The following ARHGAP24 variants were observed in gnomAD, a reference collection of about 807,000 sequenced individuals.
ARHGAP24 encodes the protein Rho GTPase activating protein 24.
A neutral mutation model predicts 76.4 loss-of-function variants in ARHGAP24; 50 were observed. The observed-to-expected ratio is 0.65, with a 90% CI of 0.52 to 0.83. The LOEUF (loss-of-function observed/expected upper bound fraction) is 0.83, where lower values mean the gene tolerates loss of function less well. Among genes scored for constraint, ARHGAP24 ranks in the 40% least tolerant of loss-of-function variants. The pLI is 0.00. For missense variants in ARHGAP24, 930 were observed against 914.2 expected (o/e 1.02, Z -0.22); for synonymous variants, 345 against 323.3 (o/e 1.07, Z -0.72).
intron 3 of ARHGAP24, among the ~76,000 whole-genome samples, chr4:85,884,721 G>T (rs543766812): frequency 6.6e-6 from 1 of 152,306 alleles, no homozygotes; most frequent in South Asian, 2.1e-4. Context: ...AGAAAATATG[G>T]AAGGTAAATT....
chr4:85,943,757 G>C (rs1232734245), intron 5 of ARHGAP24, among the ~76,000 whole-genome samples: 1 of 151,698 alleles, frequency 6.6e-6, no homozygotes, highest in Non-Finnish European at 1.5e-5. Flanking sequence ...ATGGTTTCCA[G>C]CTTCATCCAT....
intron 3 of ARHGAP24, among the ~76,000 whole-genome samples, chr4:85,799,444 A>G (rs369521879): frequency 2.0e-5 from 3 of 152,238 alleles, no homozygotes; most frequent in Non-Finnish European, 4.4e-5. Context: ...TAACCCAAGG[A>G]CTATGATAAA....
intron 2 of ARHGAP24, among the ~76,000 whole-genome samples, chr4:85,620,087 A>T (rs186746990): frequency 6.6e-6 from 1 of 151,874 alleles, no homozygotes; most frequent in African/African-American, 2.4e-5. Flanking sequence ...GAATTTTTGC[A>T]TCTATGTTCA....
chr4:85,958,572 A>C (rs1302790900), intron 5 of ARHGAP24, among the ~76,000 whole-genome samples: 1 of 152,186 alleles, frequency 6.6e-6, no homozygotes, highest in East Asian at 1.9e-4. Context: ...AAGATTTTAT[A>C]TTATGAAAGT....
chr4:85,623,243 G>A (rs1457658339), intron 2 of ARHGAP24, among the ~76,000 whole-genome samples: 12 of 152,140 alleles, frequency 7.9e-5, no homozygotes, highest in Non-Finnish European at 1.5e-4. Flanking sequence ...TAACATGTAA[G>A]TCTTTAATCC....
At chr4:85,975,826 A>G (rs1187188060) in intron 7 of ARHGAP24, 1 of 152,210 alleles carries the variant, frequency 6.6e-6, no homozygotes, top group Non-Finnish European at 1.5e-5. Flanking sequence ...TCAAGGGACT[A>G]GGAACTATGA....
intron 3 of ARHGAP24, among the ~76,000 whole-genome samples, chr4:85,867,898 C>CATATATATATATATAT (rs113874290): frequency 5.2e-4 from 56 of 106,732 alleles, no homozygotes; most frequent in African/African-American, 1.3e-3. Flanking sequence ...TGTGTGTGTA[C>CATATATATATATATAT]ATATATATAT....
intron 8 of ARHGAP24, among the ~76,000 whole-genome samples, chr4:85,984,003 C>T (rs753254584): frequency 5.3e-5 from 8 of 152,118 alleles, no homozygotes; most frequent in South Asian, 2.1e-4. Context: ...AGTAAGCCTG[C>T]GAATGCAAAG....
At chr4:85,646,622 A>G (rs1578105195) in intron 2 of ARHGAP24, among the ~76,000 whole-genome samples, 3 of 152,114 alleles carry the variant, frequency 2.0e-5, no homozygotes, top group African/African-American at 7.2e-5. Flanking sequence ...TGAATAAATT[A>G]TATCCAATTA....
chr4:85,617,109 T>G (rs199751561), intron 2 of ARHGAP24, among the ~76,000 whole-genome samples: 1 of 68,446 alleles, frequency 1.5e-5, no homozygotes, highest in Non-Finnish European at 2.9e-5. Flanking sequence ...AAATATATAT[T>G]TAAATATATA....
At position 86,000,812 on chromosome 4, in the gene ARHGAP24, T is replaced by C; in HGVS notation, c.*90T>C. On this transcript the variant is annotated 3_prime_UTR_variant, in exon 10 of 10. Transcript: ENST00000395184. ...ACTTAGAACCAGGTGGCTGGTCACC[T>C]GGATGTACAGAAGTCTAACTGGTGA... 4 of 1,577,064 alleles carry C rather than the reference T, an allele frequency of 2.5e-6. No individual in the cohort carries two copies. Among genetic ancestry groups the C allele is most frequent in the Non-Finnish European group, 3.5e-6 (4 of 1,153,346 alleles).
chr4:85,609,397 A>G (rs1720310117), intron 2 of ARHGAP24, among the ~76,000 whole-genome samples: 1 of 152,230 alleles, frequency 6.6e-6, no homozygotes, highest in Non-Finnish European at 1.5e-5. Context: ...ATATTCTGGA[A>G]TAAGAGTATT....
intron 1 of ARHGAP24, among the ~76,000 whole-genome samples, chr4:85,547,798 C>T (rs1205460414): frequency 6.6e-6 from 1 of 152,114 alleles, no homozygotes; most frequent in Admixed American, 6.5e-5. Flanking sequence ...AGTGTTTCAC[C>T]CTTGCTAAAT....
intron 4 of ARHGAP24, among the ~76,000 whole-genome samples, chr4:85,934,655 C>G (rs1236561257): frequency 6.6e-6 from 1 of 152,110 alleles, no homozygotes; most frequent in African/African-American, 2.4e-5. Context: ...GCTGGGATTA[C>G]AGGTGCCCGC....
chr4:85,752,346 T>C (rs1228303947), intron 3 of ARHGAP24, among the ~76,000 whole-genome samples: 2 of 152,184 alleles, frequency 1.3e-5, no homozygotes, highest in East Asian at 3.8e-4. Flanking sequence ...CCTTCCCTTT[T>C]TCAAAATCTT....
intron 2 of ARHGAP24, among the ~76,000 whole-genome samples, chr4:85,702,697 T>C (rs762563451): frequency 3.9e-5 from 6 of 152,012 alleles, no homozygotes; most frequent in Non-Finnish European, 7.4e-5. Flanking sequence ...TCGTTCGCCC[T>C]GGGGTTTGTG....
intron 3 of ARHGAP24, among the ~76,000 whole-genome samples, chr4:85,724,491 G>GTATATATATATATATATA (rs60930279): frequency 9.3e-5 from 1 of 10,710 alleles, no homozygotes; most frequent in African/African-American, 1.2e-4. Context: ...TTCCATGTGT[G>GTATATATATATATATATA]TATATATATA....
chr4:85,600,298 A>T (rs945059547), intron 2 of ARHGAP24, among the ~76,000 whole-genome samples: 2 of 152,296 alleles, frequency 1.3e-5, no homozygotes, highest in Admixed American at 6.5e-5. Flanking sequence ...CTTGTTAAGG[A>T]TATATTGTTT....
intron 1 of ARHGAP24, among the ~76,000 whole-genome samples, chr4:85,480,017 A>G (rs1722747797): frequency 6.6e-6 from 1 of 152,208 alleles, no homozygotes. Context: ...TAATTGCTCT[A>G]AGTTTTCTAA....
Sources: gnomAD v4.1 joint callset for allele counts (sites outside exome capture counted in the v4.1 genomes callset) on GRCh38, gnomAD v4.1.1 for gene constraint, MANE v1.5 for transcripts, NCBI Gene and HGNC (gene_info 2026-07-23, HGNC 2026-07-21) for gene names.